The following FOXO3B variants were observed in gnomAD, a reference collection of about 807,000 sequenced individuals.
FOXO3B encodes forkhead box protein O3B.
FOXO3B carries 15 observed loss-of-function variants against 21.9 expected under a neutral mutation model. The observed-to-expected ratio is 0.68, with a 90% CI of 0.46 to 1.05. The LOEUF is 1.05. FOXO3B is among the 50% of genes least tolerant of loss of function. The pLI is 0.00. For missense variants in FOXO3B, 293 were observed against 435.5 expected (o/e 0.67, Z 2.91); for synonymous variants, 135 against 213.6 (o/e 0.63, Z 3.21).
At chr17:18,676,706 GT>G (rs60380931) in intron 3 of FOXO3B, among the ~76,000 whole-genome samples, 196 of 143,326 alleles carry the variant, frequency 1.4e-3, no homozygotes, top group Non-Finnish European at 2.2e-3. Flanking sequence ...TTTGCTTTTT[GT>G]TTTTTTTTTT....
At position 18,671,832 on chromosome 17, in the gene FOXO3B, T is replaced by C. The variant is rs1286830420; in HGVS notation, c.*477A>G. ...CTGCCATGTCAGTCAGCCGTAGCAG[T>C]TCCACCGTGCACGGCTTGCTTACTG... On this transcript the variant is annotated 3_prime_UTR_variant, in exon 4 of 4. Transcript: ENST00000395675. 6.2e-7 allele frequency: 1 copy of C among 1,601,220 alleles called. No individual in the cohort carries two copies. Among genetic ancestry groups the C allele is most frequent in the Non-Finnish European group, 8.5e-7 (1 of 1,169,850 alleles).
rs1192942133 is a variant in FOXO3B, at chr17:18,673,044, C to T, written c.138G>A (p.Ala46=). 6.9e-6 allele frequency: 10 copies of T among 1,457,078 alleles called. No individual in the cohort carries two copies. The Admixed American group carries it at 1.4e-4, about 21-fold the overall frequency. 90.3% of individuals were successfully genotyped at this position (1,457,078 alleles called of 1,614,324 possible). The change falls in exon 4 of 4, where the codon GCG becomes GCA. Residue 46 remains alanine (A), a synonymous_variant. Coordinates refer to ENST00000395675, the MANE Select transcript of FOXO3B (RefSeq NM_001368135.1). ...GGCTCCGGCTCCCGGGCGCCGCCGC[C>T]GCCGCCGCCGCCTGGGGAAGCACGA... The part of the protein sequence containing the change: ...RLTARSQAAA[A]AAAPGSRSLR...
chr17:18,680,578 A>G (rs1342269918), intron 3 of FOXO3B, among the ~76,000 whole-genome samples, 163 bp downstream of exon 3: 2 of 148,794 alleles, frequency 1.3e-5, no homozygotes, highest in Non-Finnish European at 3.0e-5. Context: ...AGTAGAAAAC[A>G]TTTTCTTCTG....
chr17:18,675,252 C>T (rs1031227873), intron 3 of FOXO3B, among the ~76,000 whole-genome samples: 1 of 151,338 alleles, frequency 6.6e-6, no homozygotes, highest in South Asian at 2.1e-4. Flanking sequence ...TTTTAAGCAG[C>T]ACTGAAAAGG....
In FOXO3B at chr17:18,676,258, A is replaced by G. The variant is rs559947349; in HGVS notation, c.127-3203T>C. Among the ~76,000 whole-genome samples, 389 of 152,324 alleles carry G rather than the reference A, an allele frequency of 2.6e-3. 1 individual carries two copies. The highest frequency in any genetic ancestry group is 4.4e-3 in the Non-Finnish European group (298 of 68,014). On this transcript the variant is annotated intron_variant, in intron 3 of 3. Transcript: ENST00000395675. ...AAAAATTAACAAGTCTGATAACTCA[A>G]CTGTTGGCAGTTCCTAGTAAAGCTA...
intron 3 of FOXO3B, among the ~76,000 whole-genome samples, chr17:18,676,310 A>G (rs2032480750): frequency 6.6e-6 from 1 of 152,180 alleles, no homozygotes; most frequent in Non-Finnish European, 1.5e-5. Flanking sequence ...AGACCTACTA[A>G]TTCTTCTTCC....
chr17:18,675,633 TAGAC>T (rs1238602551), intron 3 of FOXO3B, among the ~76,000 whole-genome samples: 3 of 152,110 alleles, frequency 2.0e-5, no homozygotes, highest in African/African-American at 7.2e-5. Flanking sequence ...GTATTAGACA[TAGAC>T]AGACAAGTAA....
At chr17:18,674,592 C>G (rs1453516187) in intron 3 of FOXO3B, among the ~76,000 whole-genome samples, 2 of 142,522 alleles carry the variant, frequency 1.4e-5, no homozygotes, top group African/African-American at 5.4e-5. Context: ...CACCACTGCA[C>G]TCCAGCCTGG....
intron 3 of FOXO3B, 118 bp from the exon 4 acceptor site, chr17:18,673,173 G>A: frequency 3.1e-6 from 4 of 1,270,884 alleles, no homozygotes; most frequent in Non-Finnish European, 3.0e-6. Flanking sequence ...CGCCTCCCAG[G>A]AACAGGAGAC....
At chr17:18,675,063 A>G (rs552208050) in intron 3 of FOXO3B, among the ~76,000 whole-genome samples, 18 of 152,270 alleles carry the variant, frequency 1.2e-4, no homozygotes, top group Middle Eastern at 3.4e-3. Flanking sequence ...AAAGGAAGGG[A>G]GATTAAAATC....
chr17:18,674,759 A>G (rs536488216), intron 3 of FOXO3B, among the ~76,000 whole-genome samples: 8 of 152,234 alleles, frequency 5.3e-5, no homozygotes, highest in African/African-American at 1.9e-4. Flanking sequence ...CCTGCTGCCT[A>G]CTTTGCTAAA....
intron 2 of FOXO3B, 67 bp from the exon 3 acceptor site, chr17:18,680,896 A>C: frequency 2.0e-6 from 3 of 1,518,246 alleles, no homozygotes; most frequent in Non-Finnish European, 2.7e-6. Flanking sequence ...AAAGTCTAAA[A>C]ACCGCTTCAA....
At position 18,672,167 on chromosome 17, in the gene FOXO3B, T is replaced by C. The variant is rs2032380883; in HGVS notation, c.*142A>G. 4.3e-6 allele frequency: 7 copies of C among 1,612,916 alleles called. No individual in the cohort carries two copies. The highest frequency in any genetic ancestry group is 1.1e-5 in the South Asian group (1 of 91,008). On this transcript the variant is annotated 3_prime_UTR_variant, in exon 4 of 4. Transcript: ENST00000395675. This position sits in a 1 kb window ranked among gnomAD's most constrained non-coding sequence, Gnocchi z 4.2. Reference sequence around the variant, plus strand: ...TTGGTATACTTGTTGCTATTGTCCATGGAGACAGCCCGCCGCCGGGGGGCT... The same window carrying C: ...TTGGTATACTTGTTGCTATTGTCCACGGAGACAGCCCGCCGCCGGGGGGCT...
Position 18,671,994 on chromosome 17 carries a change from T to A in FOXO3B, c.*315A>T. 6.2e-7 allele frequency: 1 copy of A among 1,612,378 alleles called. No individual in the cohort carries two copies. The highest frequency in any genetic ancestry group is 8.5e-7 in the Non-Finnish European group (1 of 1,179,268). On this transcript the variant is annotated 3_prime_UTR_variant, in exon 4 of 4. Coordinates refer to ENST00000395675, the MANE Select transcript of FOXO3B (RefSeq NM_001368135.1). ...CTGTGCTGGCGTTAGAATTGGTGCG[T>A]GAACGGAAGTCCGTCCACGCATCCA...
chr17:18,673,795 G>C (rs1425372771), intron 3 of FOXO3B, among the ~76,000 whole-genome samples: 1 of 151,528 alleles, frequency 6.6e-6, no homozygotes, highest in South Asian at 2.1e-4. Flanking sequence ...AAGTATATGA[G>C]GGCAAAGGCG....
chr17:18,672,056 A>T lies in FOXO3B; in HGVS notation c.*253T>A. On this transcript the variant is annotated 3_prime_UTR_variant, in exon 4 of 4. Transcript: ENST00000395675. This position sits in a 1 kb window ranked among gnomAD's most constrained non-coding sequence, Gnocchi z 4.2. ...CTGCGTGACGTGGGGCTGCCAGACC[A>T]CTTGGAGAGCTGGGAGGGACTGTCG... The T allele has an allele frequency of 1.2e-6, 2 of 1,611,306 alleles. No individual in the cohort carries two copies.
chr17:18,678,083 CA>C (rs1160713974), intron 3 of FOXO3B, among the ~76,000 whole-genome samples: 3 of 151,874 alleles, frequency 2.0e-5, no homozygotes, highest in African/African-American at 7.3e-5. Flanking sequence ...ATTAAGTGCC[CA>C]AAAATTAGAA....
intron 3 of FOXO3B, among the ~76,000 whole-genome samples, chr17:18,679,452 C>T (rs1362864650): frequency 7.9e-6 from 1 of 127,360 alleles, no homozygotes; most frequent in Non-Finnish European, 1.6e-5. Flanking sequence ...TCCTCCTCAA[C>T]TTTTTTTTTT....
intron 2 of FOXO3B, 132 bp from the exon 3 acceptor site, chr17:18,680,961 C>A: frequency 1.5e-6 from 1 of 659,146 alleles, no homozygotes; most frequent in South Asian, 2.0e-5. Flanking sequence ...CCAAAACAAC[C>A]GACCTCCTCC....
Sources: gnomAD v4.1 joint callset for allele counts (sites outside exome capture counted in the v4.1 genomes callset) on GRCh38, gnomAD v4.1.1 for gene constraint, Gnocchi (gnomAD v3.1) non-coding constraint, MANE v1.5 for transcripts, NCBI Gene and HGNC (gene_info 2026-07-23, HGNC 2026-07-21) for gene names.